Variants in TNPO1 observed in about 807,000 individuals in gnomAD.
TNPO1 encodes transportin-1.
In TNPO1, 8 loss-of-function variants were observed where a neutral mutation model predicts 119.5. The ratio of observed to expected loss-of-function variants is 0.07; its 90% confidence interval spans 0.04 to 0.12. TNPO1 has a LOEUF of 0.12. Ranked by LOEUF, TNPO1 falls within the 10% of genes least tolerant of loss-of-function variation. The probability of loss-of-function intolerance (pLI) is 1.00; values close to 1 mark genes in which losing one functional copy is unlikely to be tolerated. For missense variants in TNPO1, 576 were observed against 1,089.8 expected (o/e 0.53, Z 6.64); for synonymous variants, 362 against 363.0 (o/e 1.00, Z 0.03).
chr5:72,823,646 A>G (rs1164525816), intron 1 of TNPO1, among the ~76,000 whole-genome samples: 2 of 152,146 alleles, frequency 1.3e-5, no homozygotes, highest in African/African-American at 4.8e-5. Flanking sequence ...GAATTTACTC[A>G]TCTAAATTTC....
At chr5:72,889,162 A>G (rs1032790939) in intron 13 of TNPO1, among the ~76,000 whole-genome samples, 11 of 152,098 alleles carry the variant, frequency 7.2e-5, no homozygotes, top group African/African-American at 2.7e-4. Flanking sequence ...GGTTCAAGCA[A>G]TTCTCCTGCC....
intron 3 of TNPO1, among the ~76,000 whole-genome samples, chr5:72,855,374 A>G (rs1301081493): frequency 6.6e-6 from 1 of 152,184 alleles, no homozygotes; most frequent in Non-Finnish European, 1.5e-5. Context: ...AAGCTTGAGC[A>G]CAGTGGCCAT....
intron 20 of TNPO1, 43 bp from the exon 21 acceptor site, chr5:72,899,963 G>T: frequency 6.5e-7 from 1 of 1,533,588 alleles, no homozygotes; most frequent in Non-Finnish European, 9.0e-7. Flanking sequence ...CTCATGTCTT[G>T]GTTGGCGTTT....
chr5:72,883,838 G>A (rs1748428315), intron 11 of TNPO1, among the ~76,000 whole-genome samples: 1 of 152,018 alleles, frequency 6.6e-6, no homozygotes, highest in Admixed American at 6.6e-5. Context: ...TGACCTCCCT[G>A]GGCTCTGGTG....
At chr5:72,892,553 G>A (rs940703034) in intron 15 of TNPO1, among the ~76,000 whole-genome samples, 12 of 152,190 alleles carry the variant, frequency 7.9e-5, no homozygotes, top group Non-Finnish European at 1.5e-4. Context: ...GTATGCAGTC[G>A]TCCCTCAGTA....
chr5:72,827,285 A>C (rs1223529732), intron 1 of TNPO1, among the ~76,000 whole-genome samples: 1 of 152,234 alleles, frequency 6.6e-6, no homozygotes, highest in African/African-American at 2.4e-5. Context: ...TGTTAGGTAC[A>C]GCTTTGCAGG....
chr5:72,909,952 T>A lies in TNPO1; in HGVS notation c.*1279T>A, dbSNP rs1454975340. 1 of 152,624 alleles carries A rather than the reference T, an allele frequency of 6.6e-6. No individual in the cohort carries two copies. The highest frequency in any genetic ancestry group is 2.4e-5 in the African/African-American group (1 of 41,442). The allele number at this position is 152,624 out of a possible 1,614,324, so 9.5% of individuals were successfully genotyped here. A position where few individuals can be genotyped will look rare whatever the true frequency, so the allele number is the denominator to read the frequency against. ...TTATCAAAACTTCTAAAATTTAAATTACGTGGTAAAAGATCTGTAAAAGGC... is the reference window on the plus strand; with the variant it reads ...TTATCAAAACTTCTAAAATTTAAATAACGTGGTAAAAGATCTGTAAAAGGC... On this transcript the variant is annotated 3_prime_UTR_variant, in exon 25 of 25. Coordinates refer to ENST00000337273, the MANE Select transcript of TNPO1 (RefSeq NM_002270.4).
In TNPO1 at chr5:72,913,885, TATC is replaced by T. The variant is rs201736388; in HGVS notation, c.*5216_*5218del. The T allele has an allele frequency of 5.2e-3, 787 of 152,722 alleles. 6 individuals are homozygous for T. The highest frequency in any genetic ancestry group is 4.8e-3 in the Non-Finnish European group (326 of 67,992). 9.5% of individuals were successfully genotyped at this position (152,722 alleles called of 1,614,324 possible). A position where few individuals can be genotyped will look rare whatever the true frequency, so the allele number is the denominator to read the frequency against. ...GTATAATTAGTTTTACTTAATAGAT[TATC>T]ATCTTGTGAGAAGAGATGTTTAAAC... On this transcript the variant is annotated 3_prime_UTR_variant, in exon 25 of 25. Coordinates refer to ENST00000337273, the MANE Select transcript of TNPO1 (RefSeq NM_002270.4).
chr5:72,859,838 G>A (rs185227068), intron 4 of TNPO1, among the ~76,000 whole-genome samples: 2 of 152,132 alleles, frequency 1.3e-5, no homozygotes, highest in East Asian at 1.9e-4. Context: ...TTTCATTCCC[G>A]TATTTGTTAT....
chr5:72,896,053 G>A (rs1749405434), intron 18 of TNPO1, among the ~76,000 whole-genome samples: 1 of 151,874 alleles, frequency 6.6e-6, no homozygotes, highest in South Asian at 2.1e-4. Context: ...GTTATTCAGA[G>A]ACCACAATCA....
At chr5:72,890,176 CACAT>C (rs1311833720) in intron 14 of TNPO1, among the ~76,000 whole-genome samples, 1 of 152,166 alleles carries the variant, frequency 6.6e-6, no homozygotes, top group East Asian at 1.9e-4. Context: ...AGCAGCATTT[CACAT>C]GAATGCTCTG....
At chr5:72,843,976 T>A (rs1481751861) in intron 1 of TNPO1, among the ~76,000 whole-genome samples, 1 of 152,226 alleles carries the variant, frequency 6.6e-6, no homozygotes, top group Admixed American at 6.5e-5. Context: ...TTACTTATCT[T>A]TGAATCTCCA....
intron 22 of TNPO1, among the ~76,000 whole-genome samples, chr5:72,901,630 C>T (rs1166124249): frequency 6.6e-6 from 1 of 152,116 alleles, no homozygotes; most frequent in Non-Finnish European, 1.5e-5. Flanking sequence ...TCCAGTTAAG[C>T]ATCTGGATCC....
intron 1 of TNPO1, chr5:72,848,008 C>A: frequency 1.0e-6 from 1 of 966,118 alleles, no homozygotes. Context: ...GCCCTTAAGT[C>A]AGTAGTAATC....
chr5:72,885,473 G>C (rs1748552289), intron 11 of TNPO1, among the ~76,000 whole-genome samples: 1 of 152,174 alleles, frequency 6.6e-6, no homozygotes, highest in Admixed American at 6.5e-5. Context: ...AAGCTTTTCT[G>C]TGCGTGCTTG....
At chr5:72,845,735 TA>T (rs1368178990) in intron 1 of TNPO1, among the ~76,000 whole-genome samples, 2 of 152,158 alleles carry the variant, frequency 1.3e-5, no homozygotes, top group African/African-American at 4.8e-5. Context: ...AAGAAAACCC[TA>T]GTTGACGACA....
At chr5:72,900,873 T>C (rs1286460370) in intron 21 of TNPO1, 101 bp from the exon 22 acceptor site, 3 of 644,370 alleles carry the variant, frequency 4.7e-6, no homozygotes, top group African/African-American at 3.8e-5. Flanking sequence ...ATATAATCAT[T>C]ATCTATACTG....
rs768897198 is a variant in TNPO1, at chr5:72,816,773, C to T, written c.15+21C>T. The T allele has an allele frequency of 1.1e-5, 17 of 1,581,048 alleles. No homozygotes were observed. In the South Asian group the frequency reaches 1.6e-4, roughly 15 times the overall value. ...ACCGGGTAGGTGGCGTGAGGGTGCG[C>T]GGCCCCGAACTGCAGGGGCGGGAAC... is the stretch of plus-strand genomic sequence containing the variant. On this transcript the variant is annotated intron_variant, in intron 1 of 24. Coordinates refer to ENST00000337273, the MANE Select transcript of TNPO1 (RefSeq NM_002270.4).
intron 11 of TNPO1, among the ~76,000 whole-genome samples, chr5:72,884,027 G>A (rs1748445076): frequency 6.6e-6 from 1 of 152,104 alleles, no homozygotes; most frequent in Non-Finnish European, 1.5e-5. Flanking sequence ...TAGGATTACA[G>A]GCGTAAGCCA....
Sources: gnomAD v4.1 joint callset for allele counts (sites outside exome capture counted in the v4.1 genomes callset) on GRCh38, gnomAD v4.1.1 for gene constraint, MANE v1.5 for transcripts, NCBI Gene and HGNC (gene_info 2026-07-23, HGNC 2026-07-21) for gene names.